MYF6: variants seen among roughly 807,000 people sequenced by gnomAD.
The protein encoded by MYF6 is class C basic helix-loop-helix protein 4.
Under a neutral mutation model 21.7 loss-of-function variants are expected in MYF6, and 20 were observed. That is an observed-to-expected ratio of 0.92 (90% confidence interval 0.65 to 1.34). The LOEUF (loss-of-function observed/expected upper bound fraction) is 1.34. Ranked by LOEUF, MYF6 falls within the 40% of genes most tolerant of loss-of-function variation. The pLI, the probability that MYF6 is intolerant of heterozygous loss-of-function variation, is 0.00. For missense variants in MYF6, 320 were observed against 304.1 expected (o/e 1.05, Z -0.39); for synonymous variants, 124 against 124.7 (o/e 0.99, Z 0.04).
At position 80,707,998 on chromosome 12, in the gene MYF6, C is replaced by G. The variant is rs778806226; in HGVS notation, c.279C>G (p.Asp93Glu). The G allele has an allele frequency of 6.2e-7, 1 of 1,614,168 alleles. No individual in the cohort carries two copies. The highest frequency in any genetic ancestry group is 1.1e-5 in the South Asian group (1 of 91,088). Residue 93 changes from aspartate to glutamate, a missense_variant, in exon 1 of 3, where the codon GAC becomes GAG. By Grantham distance (45) the Asp-to-Glu change is conservative. Transcript: ENST00000228641. ...GCAAGAGAAAATCTGCCCCCACTGA[C>G]CGGCGAAAAGCCGCCACCCTGCGCG... Reference protein sequence around the residue: ...KTCKRKSAPTDRRKAATLRER... With the variant: ...KTCKRKSAPTERRKAATLRER...
rs1868432449 is a variant in MYF6, at chr12:80,709,212, C to T, written c.*252C>T. 2.1e-6 allele frequency: 1 copy of T among 484,584 alleles called. No homozygotes were observed. Among genetic ancestry groups the T allele is most frequent in the Non-Finnish European group, 3.8e-6 (1 of 266,296 alleles). The allele number at this position is 484,584 out of a possible 1,614,324, so 30.0% of individuals were successfully genotyped here. On this transcript the variant is annotated 3_prime_UTR_variant, in exon 3 of 3. Coordinates refer to ENST00000228641, the MANE Select transcript of MYF6 (RefSeq NM_002469.3). Reference sequence around the variant, plus strand: ...GAACTGCGAGTGGCTTAGGTCTAGCCTCATTTTGTTTTTGTTTGGTTGGTT... The same window carrying T: ...GAACTGCGAGTGGCTTAGGTCTAGCTTCATTTTGTTTTTGTTTGGTTGGTT...
Position 80,707,927 on chromosome 12 carries a change from C to A in MYF6, c.208C>A (p.Pro70Thr). 6.2e-7 allele frequency: 1 copy of A among 1,614,164 alleles called. No homozygotes were observed. The highest frequency in any genetic ancestry group is 8.5e-7 in the Non-Finnish European group (1 of 1,180,026). Residue 70 changes from proline (P) to threonine (T), a missense_variant, in exon 1 of 3, where the codon CCT becomes ACT. Pro to Thr is a conservative substitution (Grantham distance 38). Coordinates refer to ENST00000228641, the MANE Select transcript of MYF6 (RefSeq NM_002469.3). Reference sequence around the variant, plus strand: ...TGTCCTGGCGCCCCCGGGCCTGCAGCCTCCACACTGCCCCGGCCAGTGTCT... The same window carrying A: ...TGTCCTGGCGCCCCCGGGCCTGCAGACTCCACACTGCCCCGGCCAGTGTCT... ...EHVLAPPGLQ[P>T]PHCPGQCLIW...
Position 80,709,019 on chromosome 12 carries a change from G to A in MYF6, c.*59G>A, listed in dbSNP as rs914913149. On this transcript the variant is annotated 3_prime_UTR_variant, in exon 3 of 3. Coordinates refer to ENST00000228641, the MANE Select transcript of MYF6 (RefSeq NM_002469.3). Reference sequence around the variant, plus strand: ...AGGAAGATCCCACCGACCCTTCCTGGCCTAATCCTTTAGATTAGGTCACAT... The same window carrying A: ...AGGAAGATCCCACCGACCCTTCCTGACCTAATCCTTTAGATTAGGTCACAT... 9 of 1,321,778 alleles carry A rather than the reference G, an allele frequency of 6.8e-6. No individual in the cohort carries two copies. Among genetic ancestry groups the A allele is most frequent in the Non-Finnish European group, 9.8e-6 (9 of 915,404 alleles). The allele number at this position is 1,321,778 out of a possible 1,614,324, so 81.9% of individuals were successfully genotyped here.
Position 80,708,244 on chromosome 12 carries a change from C to A in MYF6, c.519+6C>A. On this transcript the variant is annotated splice_donor_region_variant and intron_variant, in intron 1 of 2. Transcript: ENST00000228641. ...ACAGACCCAAACAAGAAAATGTAAG[C>A]CTAGATGCTGCCGGGGCAGGGAAAT... 1 of 1,607,476 alleles carries A rather than the reference C, an allele frequency of 6.2e-7. No homozygotes were observed.
rs1188744529 is a variant in MYF6, at chr12:80,708,972, C to A, written c.*12C>A. On this transcript the variant is annotated 3_prime_UTR_variant, in exon 3 of 3. Transcript: ENST00000228641. The stretch of plus-strand genomic sequence containing the variant: ...TGGTGGAGAAGTAACTGAGCCTGCG[C>A]TTGAGACCTTCTCCACGCAGCAGGA... The A allele has an allele frequency of 6.3e-7, 1 of 1,585,036 alleles. No individual in the cohort carries two copies. The highest frequency in any genetic ancestry group is 1.3e-5 in the African/African-American group (1 of 74,400).
Position 80,708,381 on chromosome 12 carries a change from G to T in MYF6, c.519+143G>T, listed in dbSNP as rs1868406401. The T allele has an allele frequency of 2.1e-6, 3 of 1,412,086 alleles. No individual in the cohort carries two copies. The Admixed American group carries it at 5.6e-5, about 26-fold the overall frequency. 87.5% of individuals were successfully genotyped at this position (1,412,086 alleles called of 1,614,324 possible). A position where few individuals can be genotyped will look rare whatever the true frequency, so the allele number is the denominator to read the frequency against. ...CCGCTCCGTCTCTAATGAACCCCCA[G>T]TGACCCAAGAAGACCGGGTGCTTGC... On this transcript the variant is annotated intron_variant, in intron 1 of 2. Transcript: ENST00000228641.
rs537924366 is a variant in MYF6, at chr12:80,709,003, C to T, written c.*43C>T. The T allele has an allele frequency of 1.2e-5, 18 of 1,452,562 alleles. No homozygotes were observed. The African/African-American group carries it at 2.1e-4, about 17-fold the overall frequency. The allele number at this position is 1,452,562 out of a possible 1,614,324, so 90.0% of individuals were successfully genotyped here. A position where few individuals can be genotyped will look rare whatever the true frequency, so the allele number is the denominator to read the frequency against. On this transcript the variant is annotated 3_prime_UTR_variant, in exon 3 of 3. Coordinates refer to ENST00000228641, the MANE Select transcript of MYF6 (RefSeq NM_002469.3). ...ACCTTCTCCACGCAGCAGGAAGATC[C>T]CACCGACCCTTCCTGGCCTAATCCT... is the stretch of plus-strand genomic sequence containing the variant.
At position 80,707,818 on chromosome 12, in the gene MYF6, G is replaced by A; in HGVS notation, c.99G>A (p.Leu33=). 2.5e-6 allele frequency: 4 copies of A among 1,614,126 alleles called. No individual in the cohort carries two copies. The highest frequency in any genetic ancestry group is 3.4e-6 in the Non-Finnish European group (4 of 1,180,010). ...TAGAAGTGGCAGAAGGCTCTCCTTT[G>A]TATCCAGGGAGTGATGGTACCTTGT... ...QPLEVAEGSP[L]YPGSDGTLSP... Residue 33 remains leucine (L), a synonymous_variant, in exon 1 of 3, where the codon TTG becomes TTA. Transcript: ENST00000228641.
Position 80,708,398 on chromosome 12 carries a change from G to A in MYF6, c.520-126G>A, listed in dbSNP as rs73355170. The A allele has an allele frequency of 1.1e-3, 1,537 of 1,403,936 alleles. 19 individuals carry two copies. The African/African-American group carries it at 0.019, about 17-fold the overall frequency. 87.0% of individuals were successfully genotyped at this position (1,403,936 alleles called of 1,614,324 possible). A position where few individuals can be genotyped will look rare whatever the true frequency, so the allele number is the denominator to read the frequency against. ...AACCCCCAGTGACCCAAGAAGACCG[G>A]GTGCTTGCAATAGGCAGGAAATGCG... On this transcript the variant is annotated intron_variant, in intron 1 of 2. Coordinates refer to ENST00000228641, the MANE Select transcript of MYF6 (RefSeq NM_002469.3).
At position 80,708,603 on chromosome 12, in the gene MYF6, C is replaced by A; in HGVS notation, c.599C>A (p.Thr200Lys). ...GATCATTCCAGGGGGCTCGTGATAA[C>A]GGCTAAGGAAGGTAAAGTAAAAGGG... is the stretch of plus-strand genomic sequence containing the variant. ...VSDHSRGLVITAKEGGASIDS... is the reference protein window; with the variant it reads ...VSDHSRGLVIKAKEGGASIDS... The change falls in exon 2 of 3, where the codon ACG becomes AAG. Residue 200 changes from threonine (T) to lysine (K), a missense_variant. Transcript: ENST00000228641. The A allele has an allele frequency of 6.2e-7, 1 of 1,614,112 alleles. No homozygotes were observed. The highest frequency in any genetic ancestry group is 8.5e-7 in the Non-Finnish European group (1 of 1,179,960).
At chr12:80,708,357 C>A in intron 1 of MYF6, 119 bp downstream of exon 1, 1 of 1,446,122 alleles carries the variant, frequency 6.9e-7, no homozygotes, top group South Asian at 1.2e-5. Flanking sequence ...CCGCCCCTCC[C>A]GCTCCGTCTC....
At position 80,709,062 on chromosome 12, in the gene MYF6, A is replaced by G; in HGVS notation, c.*102A>G. ...GGTCACATTACATTAACATTTAGGA[A>G]CCCAGACCGAAAAGTTGCTGAAAGG... is the stretch of plus-strand genomic sequence containing the variant. On this transcript the variant is annotated 3_prime_UTR_variant, in exon 3 of 3. Transcript: ENST00000228641. 1 of 961,300 alleles carries G rather than the reference A, an allele frequency of 1.0e-6. No individual in the cohort carries two copies. Among genetic ancestry groups the G allele is most frequent in the South Asian group, 1.4e-5 (1 of 72,358 alleles). The allele number at this position is 961,300 out of a possible 1,614,324, so 59.5% of individuals were successfully genotyped here.
intron 2 of MYF6, 46 bp downstream of exon 2, chr12:80,708,660 T>G (rs764432415): frequency 6.3e-7 from 1 of 1,589,514 alleles, no homozygotes; most frequent in Admixed American, 1.7e-5. Flanking sequence ...ATCCGGGAGG[T>G]GGATAGGATG....
intron 1 of MYF6, 85 bp from the exon 2 acceptor site, chr12:80,708,439 A>T: frequency 6.9e-7 from 1 of 1,457,570 alleles, no homozygotes; most frequent in African/African-American, 1.4e-5. Flanking sequence ...GGCCCGAGGA[A>T]GCAGGAAAGC....
chr12:80,708,970 C>T lies in MYF6; in HGVS notation c.*10C>T, dbSNP rs367653508. The T allele has an allele frequency of 6.3e-7, 1 of 1,585,246 alleles. No individual in the cohort carries two copies. Among genetic ancestry groups the T allele is most frequent in the Non-Finnish European group, 8.7e-7 (1 of 1,153,814 alleles). On this transcript the variant is annotated 3_prime_UTR_variant, in exon 3 of 3. Transcript: ENST00000228641. ...AGTGGTGGAGAAGTAACTGAGCCTG[C>T]GCTTGAGACCTTCTCCACGCAGCAG...
chr12:80,708,346 C>T, intron 1 of MYF6, 108 bp downstream of exon 1: 2 of 1,455,334 alleles, frequency 1.4e-6, no homozygotes, highest in South Asian at 1.3e-5. Flanking sequence ...CCCTTTCTCG[C>T]CCGCCCCTCC....
chr12:80,708,007 A>T lies in MYF6; in HGVS notation c.288A>T (p.Lys96Asn), dbSNP rs377370090. 2.1e-5 allele frequency: 34 copies of T among 1,614,030 alleles called. No individual in the cohort carries two copies. The African/African-American group carries it at 3.6e-4, about 17-fold the overall frequency. Residue 96 changes from lysine to asparagine, a missense_variant, in exon 1 of 3, where the codon AAA (lysine) becomes AAT (asparagine). Transcript: ENST00000228641. Reference protein sequence around the residue: ...KRKSAPTDRRKAATLRERRRL... With the variant: ...KRKSAPTDRRNAATLRERRRL... ...AATCTGCCCCCACTGACCGGCGAAA[A>T]GCCGCCACCCTGCGCGAAAGGAGGA...
chr12:80,708,971 G>T lies in MYF6; in HGVS notation c.*11G>T, dbSNP rs900475235. ...GTGGTGGAGAAGTAACTGAGCCTGC[G>T]CTTGAGACCTTCTCCACGCAGCAGG... is the stretch of plus-strand genomic sequence containing the variant. On this transcript the variant is annotated 3_prime_UTR_variant, in exon 3 of 3. Transcript: ENST00000228641. The T allele has an allele frequency of 6.3e-7, 1 of 1,588,304 alleles. No homozygotes were observed. The highest frequency in any genetic ancestry group is 1.3e-5 in the African/African-American group (1 of 74,312).
chr12:80,709,076 G>T lies in MYF6; in HGVS notation c.*116G>T, dbSNP rs939097257. The T allele has an allele frequency of 2.4e-6, 2 of 843,346 alleles. No individual in the cohort carries two copies. The highest frequency in any genetic ancestry group is 2.6e-5 in the East Asian group (1 of 38,096). The allele number at this position is 843,346 out of a possible 1,614,324, so 52.2% of individuals were successfully genotyped here. A position where few individuals can be genotyped will look rare whatever the true frequency, so the allele number is the denominator to read the frequency against. On this transcript the variant is annotated 3_prime_UTR_variant, in exon 3 of 3. Transcript: ENST00000228641. ...AACATTTAGGAACCCAGACCGAAAA[G>T]TTGCTGAAAGGGAAGGAGACACATT...
Sources: allele counts gnomAD v4.1 joint callset, GRCh38; gene constraint gnomAD v4.1.1; transcripts MANE v1.5; gene names NCBI Gene and HGNC (gene_info 2026-07-23, HGNC 2026-07-21).